Variants in PDZRN3 observed in about 807,000 individuals in gnomAD.
PDZRN3 encodes PDZ domain containing ring finger 3.
Under a neutral mutation model 85.7 loss-of-function variants are expected in PDZRN3, and 38 were observed. That is an observed-to-expected ratio of 0.44 (90% CI 0.34 to 0.58). The LOEUF is 0.58. Ranked by LOEUF, PDZRN3 falls within the 20% of genes least tolerant of loss-of-function variation. PDZRN3 has a pLI of 0.01. For synonymous variants in PDZRN3, 759 were observed against 638.0 expected (o/e 1.19, Z -2.86); for missense variants, 1,629 against 1,506.4 (o/e 1.08, Z -1.35).
At chr3:73,409,372 G>A (rs890780002) in intron 3 of PDZRN3, among the ~76,000 whole-genome samples, 12 of 152,196 alleles carry the variant, frequency 7.9e-5, no homozygotes, top group Admixed American at 6.5e-4. Context: ...AGTTGGTCCT[G>A]AGAACTAACA....
chr3:73,395,878 C>A (rs1433595913), intron 5 of PDZRN3, among the ~76,000 whole-genome samples: 1 of 152,180 alleles, frequency 6.6e-6, no homozygotes, highest in African/African-American at 2.4e-5. Flanking sequence ...ATGAGTTAGA[C>A]AAGAGTCCAG....
intron 3 of PDZRN3, among the ~76,000 whole-genome samples, chr3:73,544,128 G>A (rs1575724806): frequency 6.6e-6 from 1 of 152,146 alleles, no homozygotes; most frequent in Non-Finnish European, 1.5e-5. Flanking sequence ...CAGGAGAATT[G>A]CTTGAACCCA....
chr3:73,469,318 G>A (rs1442963036), intron 3 of PDZRN3, among the ~76,000 whole-genome samples: 1 of 152,074 alleles, frequency 6.6e-6, no homozygotes, highest in Non-Finnish European at 1.5e-5. Context: ...TGATCCATCC[G>A]CCTCAGCCTC....
intron 5 of PDZRN3, among the ~76,000 whole-genome samples, chr3:73,396,293 G>A (rs1005861867): frequency 6.6e-6 from 1 of 152,170 alleles, no homozygotes; most frequent in Non-Finnish European, 1.5e-5. Flanking sequence ...AAGATCCTCT[G>A]GAGAGATGAC....
At chr3:73,608,750 T>A in intron 1 of PDZRN3, 66 bp from the exon 2 acceptor site, 3 of 956,994 alleles carry the variant, frequency 3.1e-6, no homozygotes, top group Non-Finnish European at 4.9e-6. Flanking sequence ...GAATTTTCCT[T>A]CTATCTAAGT....
At chr3:73,515,294 G>C (rs530969325) in intron 3 of PDZRN3, among the ~76,000 whole-genome samples, 1 of 148,530 alleles carries the variant, frequency 6.7e-6, no homozygotes, top group African/African-American at 2.5e-5. Flanking sequence ...TCCTGCCTCA[G>C]CCTCCGAAGT....
At position 73,563,964 on chromosome 3, in the gene PDZRN3, T is replaced by C. The variant is rs369089440; in HGVS notation, c.918+38390A>G. Among the ~76,000 whole-genome samples the C allele has an allele frequency of 7.2e-5, 11 of 152,296 alleles. No homozygotes were observed. The South Asian group carries it at 2.3e-3, about 32-fold the overall frequency. ...CTGTTATTGGGTATTAGTGTAATTA[T>C]TACCATGAACATGCAACCACCTTGA... On this transcript the variant is annotated intron_variant, in intron 3 of 9. Coordinates refer to ENST00000263666, the MANE Select transcript of PDZRN3 (RefSeq NM_015009.3).
chr3:73,445,247 A>G (rs1398414761), intron 3 of PDZRN3, among the ~76,000 whole-genome samples: 2 of 152,206 alleles, frequency 1.3e-5, no homozygotes, highest in African/African-American at 2.4e-5. Flanking sequence ...GATTCAGGAC[A>G]TGCCCTCGTA....
chr3:73,432,454 A>C (rs1296376024), intron 3 of PDZRN3, among the ~76,000 whole-genome samples: 5 of 152,164 alleles, frequency 3.3e-5, no homozygotes, highest in Non-Finnish European at 4.4e-5. Context: ...GCCTAAGGAG[A>C]GTAGCAAGCC....
intron 3 of PDZRN3, among the ~76,000 whole-genome samples, chr3:73,597,750 A>AG (rs2106889443): frequency 6.6e-6 from 1 of 152,192 alleles, no homozygotes; most frequent in African/African-American, 2.4e-5. Context: ...ACCAAAAAAA[A>AG]AAAAAAAAGA....
chr3:73,599,359 T>C (rs933479416), intron 3 of PDZRN3, among the ~76,000 whole-genome samples: 4 of 152,208 alleles, frequency 2.6e-5, no homozygotes, highest in Admixed American at 1.3e-4. Context: ...AGGCAAATAC[T>C]ACATGATTCC....
intron 5 of PDZRN3, among the ~76,000 whole-genome samples, chr3:73,400,370 A>C (rs1328299206): frequency 1.3e-5 from 2 of 152,234 alleles, no homozygotes; most frequent in African/African-American, 2.4e-5. Flanking sequence ...CCTATTTGAC[A>C]TTATGTAGCA....
intron 3 of PDZRN3, among the ~76,000 whole-genome samples, chr3:73,455,509 T>C (rs1457939112): frequency 1.3e-5 from 2 of 152,208 alleles, no homozygotes; most frequent in Non-Finnish European, 1.5e-5. Context: ...GGCCATTATG[T>C]GCCACTTATA....
At chr3:73,579,749 T>C (rs539240209) in intron 3 of PDZRN3, among the ~76,000 whole-genome samples, 5 of 152,254 alleles carry the variant, frequency 3.3e-5, no homozygotes, top group South Asian at 2.1e-4. Flanking sequence ...AGGGTGCAAC[T>C]GAGAGGTTAT....
rs1703040896 is a variant in PDZRN3 at position 73,458,817 on chromosome 3, C to A, written c.919-54422G>T. On this transcript the variant is annotated intron_variant, in intron 3 of 9. Transcript: ENST00000263666. ...CCAGCATGGCCAATATGGTGAAACC[C>A]CATCTCTACTAAAAATATAACAAAA... 4.6e-5 allele frequency among the ~76,000 whole-genome samples: 7 copies of A among 151,126 alleles called. No individual in the cohort carries two copies. In the South Asian group the frequency reaches 1.3e-3, roughly 27 times the overall value.
At chr3:73,551,367 T>C (rs1678166381) in intron 3 of PDZRN3, among the ~76,000 whole-genome samples, 1 of 152,198 alleles carries the variant, frequency 6.6e-6, no homozygotes, top group African/African-American at 2.4e-5. Flanking sequence ...TATCATTGTT[T>C]AATGTTCCTT....
intron 3 of PDZRN3, among the ~76,000 whole-genome samples, chr3:73,537,381 G>A (rs778201409): frequency 1.2e-4 from 19 of 152,202 alleles, no homozygotes; most frequent in Admixed American, 2.0e-4. Context: ...GAAGTGTTAC[G>A]GTTGTTTGTT....
intron 3 of PDZRN3, among the ~76,000 whole-genome samples, chr3:73,581,091 G>A (rs1385597516): frequency 2.0e-5 from 3 of 152,206 alleles, no homozygotes; most frequent in South Asian, 2.1e-4. Flanking sequence ...AAGTTCAGAT[G>A]TACTCCTACA....
At chr3:73,435,621 G>T (rs1040571838) in intron 3 of PDZRN3, among the ~76,000 whole-genome samples, 1 of 152,202 alleles carries the variant, frequency 6.6e-6, no homozygotes, top group African/African-American at 2.4e-5. Flanking sequence ...CAGTGAGTCT[G>T]GTCTGTTCGA....
Sources: gnomAD v4.1 joint callset for allele counts (sites outside exome capture counted in the v4.1 genomes callset) on GRCh38, gnomAD v4.1.1 for gene constraint, MANE v1.5 for transcripts, NCBI Gene and HGNC (gene_info 2026-07-23, HGNC 2026-07-21) for gene names.